Variants in MCM8 observed in about 807,000 individuals in gnomAD.
MCM8 encodes minichromosome maintenance 8 homologous recombination repair factor.
Under a neutral mutation model 98.9 loss-of-function variants are expected in MCM8, and 85 were observed. That is an observed-to-expected ratio of 0.86 (90% CI 0.72 to 1.03). MCM8 has a LOEUF of 1.03. Among genes scored for constraint, MCM8 ranks in the 50% least tolerant of loss-of-function variants. The pLI is 0.00. For missense variants in MCM8, 951 were observed against 997.8 expected (o/e 0.95, Z 0.63); for synonymous variants, 352 against 338.6 (o/e 1.04, Z -0.44).
chr20:5,969,399 C>G (rs770596946), intron 10 of MCM8, among the ~76,000 whole-genome samples: 1 of 152,038 alleles, frequency 6.6e-6, no homozygotes, highest in Non-Finnish European at 1.5e-5. Context: ...CGAGACCAAC[C>G]GGACCAATAT....
chr20:5,954,913 G>C (rs2088933872), intron 4 of MCM8, among the ~76,000 whole-genome samples, 189 bp from the exon 5 acceptor site: 1 of 152,168 alleles, frequency 6.6e-6, no homozygotes, highest in South Asian at 2.1e-4. Context: ...GGATTGTTAA[G>C]AGGCAGTAAT....
At chr20:5,969,904 T>C (rs969503369) in intron 10 of MCM8, among the ~76,000 whole-genome samples, 2 of 152,150 alleles carry the variant, frequency 1.3e-5, no homozygotes, top group Non-Finnish European at 2.9e-5. Flanking sequence ...CTCTTAACAG[T>C]TGTAAATTAA....
At chr20:5,964,343 C>A (rs563540473) in intron 8 of MCM8, among the ~76,000 whole-genome samples, 1 of 152,130 alleles carries the variant, frequency 6.6e-6, no homozygotes, top group Non-Finnish European at 1.5e-5. Context: ...AACTGCTTCA[C>A]CCCCTTCTTC....
intron 3 of MCM8, 96 bp downstream of exon 3, chr20:5,952,624 C>T: frequency 1.0e-6 from 1 of 963,416 alleles, no homozygotes; most frequent in East Asian, 2.5e-5. Flanking sequence ...CATTTACTAA[C>T]ATATACCTGC....
chr20:5,990,642 C>T (rs936444638), intron 17 of MCM8, among the ~76,000 whole-genome samples: 2 of 152,162 alleles, frequency 1.3e-5, no homozygotes, highest in Non-Finnish European at 2.9e-5. Flanking sequence ...GTCTGCCTGA[C>T]TTCTTGTGGG....
Position 5,950,923 on chromosome 20 carries a change from C to CGGGAGGGA in MCM8, c.-96_-89dup, listed in dbSNP as rs1300721845. On this transcript the variant is annotated 5_prime_UTR_variant, in exon 1 of 19. Transcript: ENST00000610722. Reference sequence around the variant, plus strand: ...CTCTTAGCCCCGTGGTGCTTCTCTACGGGAGGGAGGGAGGGAGAATCCGGC... The same window carrying CGGGAGGGA: ...CTCTTAGCCCCGTGGTGCTTCTCTACGGGAGGGAGGGAGGGAGGGAGGGAGAATCCGGC... 7.1e-6 allele frequency: 1 copy of CGGGAGGGA among 141,148 alleles called. No homozygotes were observed. Among genetic ancestry groups the CGGGAGGGA allele is most frequent in the Non-Finnish European group, 1.6e-5 (1 of 64,372 alleles). 8.7% of individuals were successfully genotyped at this position (141,148 alleles called of 1,614,324 possible).
At chr20:5,987,388 T>G (rs2089756004) in intron 17 of MCM8, 30 bp downstream of exon 17, 2 of 1,566,196 alleles carry the variant, frequency 1.3e-6, no homozygotes, top group Non-Finnish European at 1.7e-6. Flanking sequence ...TTGTTTTAAA[T>G]GAAATACCAG....
chr20:5,985,983 A>G lies in MCM8; in HGVS notation c.2015A>G (p.Tyr672Cys), dbSNP rs1426941723. The G allele has an allele frequency of 1.2e-5, 20 of 1,614,102 alleles. No individual in the cohort carries two copies. Among genetic ancestry groups the G allele is most frequent in the East Asian group, 6.7e-5 (3 of 44,900 alleles). The change falls in exon 16 of 19, where the codon TAT becomes TGT. Residue 672 changes from tyrosine to cysteine, a missense_variant. Physicochemically the swap from Tyr to Cys is radical, Grantham distance 194. Coordinates refer to ENST00000610722, the MANE Select transcript of MCM8 (RefSeq NM_032485.6). ...PHQLLRKYIG[Y>C]ARQYVYPRLS... ...CAGCTATTGAGAAAGTACATTGGCT[A>G]TGCTCGGCAGTATGTGTACCCAAGG...
intron 15 of MCM8, 122 bp downstream of exon 15, chr20:5,985,122 A>T: frequency 2.7e-6 from 2 of 728,586 alleles, no homozygotes; most frequent in Non-Finnish European, 4.4e-6. Context: ...TAATATTTCC[A>T]TACTAGAGTT....
At chr20:5,973,319 G>T in intron 12 of MCM8, 123 bp downstream of exon 12, 1 of 1,241,810 alleles carries the variant, frequency 8.1e-7, no homozygotes, top group African/African-American at 1.5e-5. Context: ...TGGCGTAAAT[G>T]AATTGGAATT....
At chr20:5,967,317 C>A in intron 8 of MCM8, 119 bp from the exon 9 acceptor site, 1 of 768,428 alleles carries the variant, frequency 1.3e-6, no homozygotes, top group African/African-American at 1.8e-5. Context: ...TACCATTAAA[C>A]TGTTAATAAG....
In MCM8 at chr20:5,994,703, A is replaced by G. The variant is rs1212765482; in HGVS notation, c.*312A>G. On this transcript the variant is annotated 3_prime_UTR_variant, in exon 19 of 19. Coordinates refer to ENST00000610722, the MANE Select transcript of MCM8 (RefSeq NM_032485.6). ...TCCTTGAGGCCAGGGTTCGAGACCA[A>G]CCTTGGGCAACATAGCAAGACCCCA... The G allele has an allele frequency of 2.1e-6, 1 of 475,494 alleles. No homozygotes were observed. Among genetic ancestry groups the G allele is most frequent in the Admixed American group, 2.4e-5 (1 of 42,374 alleles). 29.5% of individuals were successfully genotyped at this position (475,494 alleles called of 1,614,324 possible). A position where few individuals can be genotyped will look rare whatever the true frequency, so the allele number is the denominator to read the frequency against.
intron 10 of MCM8, among the ~76,000 whole-genome samples, chr20:5,971,590 A>G (rs188618230): frequency 1.4e-4 from 22 of 152,308 alleles, no homozygotes; most frequent in Admixed American, 1.2e-3. Flanking sequence ...ATCCCATCTT[A>G]GAGTATTATA....
chr20:5,968,827 A>G (rs572639613), intron 10 of MCM8, among the ~76,000 whole-genome samples: 5 of 152,238 alleles, frequency 3.3e-5, no homozygotes, highest in African/African-American at 4.8e-5. Context: ...AGCCATTTCA[A>G]TTAGTTCTGT....
In MCM8 at chr20:5,957,248, T is replaced by C. The variant is rs542232374; in HGVS notation, c.590+19T>C. 1.9e-6 allele frequency: 3 copies of C among 1,582,086 alleles called. No individual in the cohort carries two copies. The highest frequency in any genetic ancestry group is 2.7e-5 in the African/African-American group (2 of 74,230). On this transcript the variant is annotated intron_variant, in intron 6 of 18. Coordinates refer to ENST00000610722, the MANE Select transcript of MCM8 (RefSeq NM_032485.6). Reference sequence around the variant, plus strand: ...ATGCAAGGTGAGGAATTTGATGTATTAAAGTATTACTTAGAATGGGACATT... The same window carrying C: ...ATGCAAGGTGAGGAATTTGATGTATCAAAGTATTACTTAGAATGGGACATT...
intron 3 of MCM8, 113 bp downstream of exon 3, chr20:5,952,641 C>A: frequency 1.2e-6 from 1 of 827,948 alleles, no homozygotes; most frequent in Non-Finnish European, 1.9e-6. Flanking sequence ...CTGCTTTAAT[C>A]TTAGTTCACC....
chr20:5,994,382 A>G lies in MCM8; in HGVS notation c.2514A>G (p.Gln838=). The G allele has an allele frequency of 6.2e-7, 1 of 1,609,524 alleles. No homozygotes were observed. The highest frequency in any genetic ancestry group is 1.1e-5 in the South Asian group (1 of 90,324). Residue 838 remains glutamine (Q), a synonymous_variant, in exon 19 of 19, where the codon CAA becomes CAG. Coordinates refer to ENST00000610722, the MANE Select transcript of MCM8 (RefSeq NM_032485.6). ...AAGGCCCAAAAGTTTACCAGCTTCA[A>G]ACTATGTAAAAGGACTTCACCAAGT... ...LKKGPKVYQL[Q]TM
At chr20:5,990,763 C>T (rs1292762702) in intron 17 of MCM8, among the ~76,000 whole-genome samples, 1 of 152,044 alleles carries the variant, frequency 6.6e-6, no homozygotes, top group East Asian at 1.9e-4. Context: ...TTAATTTTAA[C>T]TTTTTTTCCT....
chr20:5,953,166 C>T (rs1469041286), intron 3 of MCM8, among the ~76,000 whole-genome samples: 2 of 152,284 alleles, frequency 1.3e-5, no homozygotes, highest in Admixed American at 1.3e-4. Flanking sequence ...TGCCACCTTC[C>T]CGTCTCTAAA....
Sources: allele counts gnomAD v4.1 joint callset (sites outside exome capture counted in the v4.1 genomes callset), GRCh38; gene constraint gnomAD v4.1.1; transcripts MANE v1.5; gene names NCBI Gene and HGNC (gene_info 2026-07-23, HGNC 2026-07-21).